ZNHIT6: variants seen among roughly 807,000 people sequenced by gnomAD.
The protein encoded by ZNHIT6 is zinc finger HIT-type containing 6, also known as box C/D snoRNA protein 1.
ZNHIT6 carries 45 observed loss-of-function variants against 57.2 expected under a neutral mutation model. That is an observed-to-expected ratio of 0.79 (90% CI 0.62 to 1.01). The LOEUF (loss-of-function observed/expected upper bound fraction) is 1.01, where lower values mean the gene tolerates loss of function less well. Ranked by LOEUF, ZNHIT6 falls within the 50% of genes least tolerant of loss-of-function variation. ZNHIT6 has a pLI of 0.00. For synonymous variants in ZNHIT6, 188 were observed against 190.0 expected, an observed-to-expected ratio of 0.99 and a Z score of 0.09; for missense variants, 528 against 567.3, an observed-to-expected ratio of 0.93 and a Z score of 0.70.
At chr1:85,687,362 C>A (rs1469691165) in intron 5 of ZNHIT6, among the ~76,000 whole-genome samples, 1 of 145,656 alleles carries the variant, frequency 6.9e-6, no homozygotes, top group African/African-American at 2.5e-5. Flanking sequence ...CCGACAGTGT[C>A]TTTAAACAGA....
In ZNHIT6 at chr1:85,707,847, T is replaced by TCTG; in HGVS notation, c.437_438insCAG (p.Val146_Met147insArg). ...CTTCCTTCACTTCTGACCAGTCCAT[T>TCTG]ACCTCTTCCTTTACCTTCTCTTCCT... On this transcript the variant is annotated inframe_insertion, in exon 1 of 10. Coordinates refer to ENST00000370574, the MANE Select transcript of ZNHIT6 (RefSeq NM_017953.4). 1 of 1,614,012 alleles carries TCTG rather than the reference T, an allele frequency of 6.2e-7. No individual in the cohort carries two copies. Among genetic ancestry groups the TCTG allele is most frequent in the Non-Finnish European group, 8.5e-7 (1 of 1,180,006 alleles).
At chr1:85,677,459 A>G in intron 7 of ZNHIT6, 146 bp from the exon 8 acceptor site, 1 of 558,214 alleles carries the variant, frequency 1.8e-6, no homozygotes. Context: ...TTTTCTAACC[A>G]GAAATCTGAA....
chr1:85,667,098 G>A (rs1661390582), intron 8 of ZNHIT6, among the ~76,000 whole-genome samples: 1 of 152,168 alleles, frequency 6.6e-6, no homozygotes, highest in South Asian at 2.1e-4. Flanking sequence ...TTATGGTGCT[G>A]AGAGGCATAT....
Position 85,657,954 on chromosome 1 carries a change from G to A in ZNHIT6, c.1265C>T (p.Pro422Leu), listed in dbSNP as rs1303115586. 4.6e-6 allele frequency: 7 copies of A among 1,536,556 alleles called. No homozygotes were observed. The highest frequency in any genetic ancestry group is 1.7e-5 in the Admixed American group (1 of 57,460). ...CAAATTGTCTAGGAGACTTTTATAA[G>A]GATCTAGTTCATAATATCTTATTAA... ...QNLVRYYELD[P>L]YKSLLDNLRN... Residue 422 changes from proline to leucine, a missense_variant, in exon 9 of 10, where the codon CCT becomes CTT. Transcript: ENST00000370574.
intron 4 of ZNHIT6, among the ~76,000 whole-genome samples, 157 bp from the exon 5 acceptor site, chr1:85,702,417 G>A (rs147286211): frequency 6.6e-6 from 1 of 152,266 alleles, no homozygotes; most frequent in Non-Finnish European, 1.5e-5. Flanking sequence ...ATGATACTAT[G>A]AGAATAGGTA....
At chr1:85,701,221 G>C (rs1662521554) in intron 5 of ZNHIT6, among the ~76,000 whole-genome samples, 1 of 152,138 alleles carries the variant, frequency 6.6e-6, no homozygotes, top group Non-Finnish European at 1.5e-5. Flanking sequence ...TGATGGCTTT[G>C]TCTTTTCAAT....
At chr1:85,673,578 T>A (rs1415229114) in intron 8 of ZNHIT6, among the ~76,000 whole-genome samples, 1 of 152,228 alleles carries the variant, frequency 6.6e-6, no homozygotes, top group African/African-American at 2.4e-5. Context: ...GTTACTGTAA[T>A]GCTGTAAATG....
At chr1:85,654,306 T>A (rs1185703609) in intron 9 of ZNHIT6, among the ~76,000 whole-genome samples, 1 of 152,194 alleles carries the variant, frequency 6.6e-6, no homozygotes, top group Non-Finnish European at 1.5e-5. Flanking sequence ...TTATATTTTG[T>A]GAGGTAACAT....
chr1:85,679,523 T>A (rs1661801971), intron 6 of ZNHIT6, among the ~76,000 whole-genome samples: 1 of 151,692 alleles, frequency 6.6e-6, no homozygotes, highest in Admixed American at 6.6e-5. Flanking sequence ...TTTAAAATTT[T>A]CCTAAATCAA....
At position 85,667,825 on chromosome 1, in the gene ZNHIT6, T is replaced by A. The variant is rs909381319; in HGVS notation, c.1247+9411A>T. Among the ~76,000 whole-genome samples, 17 of 149,950 alleles carry A rather than the reference T, an allele frequency of 1.1e-4. No homozygotes were observed. In the East Asian group the frequency reaches 1.2e-3, roughly 10 times the overall value. ...AGTGTGTGCCTGTGATCCCAGCTAC[T>A]TGGGAGGCTGAGGCACGAGAATTGC... On this transcript the variant is annotated intron_variant, in intron 8 of 9. Coordinates refer to ENST00000370574, the MANE Select transcript of ZNHIT6 (RefSeq NM_017953.4).
intron 5 of ZNHIT6, among the ~76,000 whole-genome samples, chr1:85,691,703 C>A (rs139846262): frequency 3.9e-5 from 6 of 152,172 alleles, no homozygotes; most frequent in Non-Finnish European, 7.4e-5. Flanking sequence ...CTGGCCAACA[C>A]GGTGAAATCC....
Position 85,707,686 on chromosome 1 carries a change from T to G in ZNHIT6, c.599A>C (p.Lys200Thr). ...CGGGTGATTTATCGGAGGCTCTTCT[T>G]TCACCTTTGTATCATCCACGATTTC... is the stretch of plus-strand genomic sequence containing the variant. ...KKEIVDDTKVKEEPPINHPVG... is the reference protein window; with the variant it reads ...KKEIVDDTKVTEEPPINHPVG... Residue 200 changes from lysine (K) to threonine (T), a missense_variant, in exon 1 of 10, where the codon AAA becomes ACA. Lys to Thr is a moderately conservative substitution (Grantham distance 78, BLOSUM62 -1). Transcript: ENST00000370574. 2.5e-6 allele frequency: 4 copies of G among 1,588,464 alleles called. No individual in the cohort carries two copies. Among genetic ancestry groups the G allele is most frequent in the Non-Finnish European group, 3.4e-6 (4 of 1,170,114 alleles).
At chr1:85,705,295 C>A (rs1662653413) in intron 4 of ZNHIT6, among the ~76,000 whole-genome samples, 1 of 152,026 alleles carries the variant, frequency 6.6e-6, no homozygotes, top group South Asian at 2.1e-4. Context: ...CTCACTGCAG[C>A]CTTGACCTTC....
At chr1:85,694,178 C>T (rs751118685) in intron 5 of ZNHIT6, among the ~76,000 whole-genome samples, 9 of 152,154 alleles carry the variant, frequency 5.9e-5, no homozygotes, top group Non-Finnish European at 1.2e-4. Flanking sequence ...TTTGTCAAAA[C>T]TCAGCAAATG....
chr1:85,657,892 C>T lies in ZNHIT6; in HGVS notation c.1327G>A (p.Val443Met). The change falls in exon 9 of 10, where the codon GTG becomes ATG. Residue 443 changes from valine (V) to methionine (M), a missense_variant. Transcript: ENST00000370574. ...TCATTATTGGATCCTTTCAATACCA[C>T]ATGTAATGTTGGATACTCAATGATC... is the stretch of plus-strand genomic sequence containing the variant. ...KVIIEYPTLHVVLKGSNNDMK... is the reference protein window; with the variant it reads ...KVIIEYPTLHMVLKGSNNDMK... The T allele has an allele frequency of 3.1e-6, 5 of 1,606,564 alleles. No individual in the cohort carries two copies. The highest frequency in any genetic ancestry group is 4.3e-6 in the Non-Finnish European group (5 of 1,175,688).
rs1301264663 is a variant in ZNHIT6, at chr1:85,651,258, T to A, written c.*2800A>T. 6.6e-6 allele frequency: 1 copy of A among 151,136 alleles called. No homozygotes were observed. Among genetic ancestry groups the A allele is most frequent in the Admixed American group, 6.6e-5 (1 of 15,112 alleles). The allele number at this position is 151,136 out of a possible 1,614,324, so 9.4% of individuals were successfully genotyped here. ...AACTTTTTTTTTTTTTGAGGCAGAG[T>A]CTCATTCTGTCACCCAGGCAGTGCC... On this transcript the variant is annotated 3_prime_UTR_variant, in exon 10 of 10. Transcript: ENST00000370574.
At chr1:85,684,035 C>T (rs1325731299) in intron 5 of ZNHIT6, among the ~76,000 whole-genome samples, 5 of 152,158 alleles carry the variant, frequency 3.3e-5, no homozygotes, top group Non-Finnish European at 7.4e-5. Context: ...TGAACATTTA[C>T]AATTACTCCT....
rs1313698440 is a variant in ZNHIT6, at chr1:85,653,082, T to C, written c.*976A>G. The stretch of plus-strand genomic sequence containing the variant: ...TCATCACAACACCCTTCTGCAGTAA[T>C]GATGAGAGTGGGCTAGGAATGTGAT... On this transcript the variant is annotated 3_prime_UTR_variant, in exon 10 of 10. Transcript: ENST00000370574. The C allele has an allele frequency of 6.6e-6, 1 of 152,058 alleles. No individual in the cohort carries two copies. The highest frequency in any genetic ancestry group is 2.1e-4 in the South Asian group (1 of 4,824). 9.4% of individuals were successfully genotyped at this position (152,058 alleles called of 1,614,324 possible). A position where few individuals can be genotyped will look rare whatever the true frequency, so the allele number is the denominator to read the frequency against.
In ZNHIT6 at chr1:85,651,912, T is replaced by C. The variant is rs1179730973; in HGVS notation, c.*2146A>G. The C allele has an allele frequency of 2.0e-5, 3 of 152,226 alleles. No homozygotes were observed. Among genetic ancestry groups the C allele is most frequent in the Non-Finnish European group, 4.4e-5 (3 of 68,036 alleles). 9.4% of individuals were successfully genotyped at this position (152,226 alleles called of 1,614,324 possible). ...TAAAACACACGTGTATTGTAAATCT[T>C]ACGGGAAAAAATATGCATATTAATC... On this transcript the variant is annotated 3_prime_UTR_variant, in exon 10 of 10. Coordinates refer to ENST00000370574, the MANE Select transcript of ZNHIT6 (RefSeq NM_017953.4).
Sources: allele counts gnomAD v4.1 joint callset (sites outside exome capture counted in the v4.1 genomes callset), GRCh38; gene constraint gnomAD v4.1.1; transcripts MANE v1.5; gene names NCBI Gene and HGNC (gene_info 2026-07-23, HGNC 2026-07-21).